The following NCOR2 variants were observed in gnomAD, a reference collection of about 807,000 sequenced individuals.
NCOR2 encodes the protein nuclear receptor corepressor 2.
In NCOR2, 81 loss-of-function variants were observed where a neutral mutation model predicts 262.9. The ratio of observed to expected loss-of-function variants is 0.31; its 90% CI spans 0.26 to 0.37. The LOEUF (loss-of-function observed/expected upper bound fraction) is 0.37. Ranked by LOEUF, NCOR2 falls within the 10% of genes least tolerant of loss-of-function variation. The pLI, the probability that NCOR2 is intolerant of heterozygous loss-of-function variation, is 1.00. For synonymous variants in NCOR2, 1,659 were observed against 1,559.3 expected, an observed-to-expected ratio of 1.06 and a Z score of -1.51; for missense variants, 3,385 against 3,621.4, an observed-to-expected ratio of 0.93 and a Z score of 1.68.
At chr12:124,375,138 G>A (rs1001554073) in intron 18 of NCOR2, among the ~76,000 whole-genome samples, 10 of 152,216 alleles carry the variant, frequency 6.6e-5, no homozygotes. Flanking sequence ...CCAAGGCCAC[G>A]CTGTGGAGGG....
intron 7 of NCOR2, 72 bp downstream of exon 9, chr12:124,449,743 C>T: frequency 6.5e-7 from 1 of 1,549,766 alleles, no homozygotes; most frequent in South Asian, 1.1e-5. Context: ...TCCCACATCC[C>T]ATGCAGGCTG....
At chr12:124,391,016 C>A (rs1476613675) in intron 16 of NCOR2, among the ~76,000 whole-genome samples, 1 of 152,252 alleles carries the variant, frequency 6.6e-6, no homozygotes, top group Non-Finnish European at 1.5e-5. Flanking sequence ...GGGGCAGCGT[C>A]CCACATGCCA....
chr12:124,491,915 T>C (rs1593802899), intron 1 of NCOR2, among the ~76,000 whole-genome samples: 1 of 151,818 alleles, frequency 6.6e-6, no homozygotes, highest in Non-Finnish European at 1.5e-5. Flanking sequence ...ATGCGGCAGG[T>C]AGGAAGCGGG....
intron 41 of NCOR2, among the ~76,000 whole-genome samples, chr12:124,334,028 G>GTGTGTGCGCGCATGTGTGTGTGCGCGCAT (rs1593094229): frequency 3.3e-4 from 50 of 150,052 alleles, no homozygotes; most frequent in South Asian, 6.3e-4. Context: ...GTGCATGTGT[G>GTGTGTGCGCGCATGTGTGTGTGCGCGCAT]GAAAGGCTGC....
chr12:124,494,909 G>C (rs772479639), intron 1 of NCOR2, among the ~76,000 whole-genome samples: 2 of 152,216 alleles, frequency 1.3e-5, no homozygotes, highest in Non-Finnish European at 2.9e-5. Flanking sequence ...CAGAGCCCCA[G>C]CTCAGCCTGG....
exon 43 of NCOR2, chr12:124,332,434 G>A (rs1203341322): frequency 2.5e-6 from 4 of 1,614,238 alleles, no homozygotes; most frequent in East Asian, 4.5e-5. Flanking sequence ...CTGGCGGCTG[G>A]CTGGTGTTGC....
rs1244054404 is a variant in NCOR2 at position 124,384,928 on chromosome 12, CTG to C, written c.2019+815_2019+816del. Among the ~76,000 whole-genome samples, 3 of 152,008 alleles carry C rather than the reference CTG, an allele frequency of 2.0e-5. No individual in the cohort carries two copies. In the East Asian group the frequency reaches 5.8e-4, roughly 29 times the overall value. On this transcript the variant is annotated intron_variant, in intron 17 of 46. Coordinates refer to ENST00000405201, the Ensembl canonical transcript of NCOR2. ...AAGAGCGTGGGTGCTGATCTCATAA[CTG>C]TGGGTGCATATCGCAATTCAGTCGC...
exon 38 of NCOR2, chr12:124,336,869 G>A (rs199623076): frequency 6.2e-7 from 1 of 1,611,150 alleles, no homozygotes; most frequent in South Asian, 1.1e-5. Flanking sequence ...GTGGTGAGGT[G>A]CGAGGTTCTT....
At chr12:124,383,010 C>T (rs2040523446) in intron 17 of NCOR2, among the ~76,000 whole-genome samples, 1 of 152,146 alleles carries the variant, frequency 6.6e-6, no homozygotes, top group Admixed American at 6.5e-5. Context: ...CTGCACCATC[C>T]TTCTGGGATG....
At chr12:124,564,085 G>A (rs891632621) in intron 1 of NCOR2, among the ~76,000 whole-genome samples, 2 of 152,210 alleles carry the variant, frequency 1.3e-5, no homozygotes, top group Non-Finnish European at 1.5e-5. Flanking sequence ...CGTAGAGCAC[G>A]GTTCCTGGCA....
intron 38 of NCOR2, 157 bp from the exon 41 acceptor site, chr12:124,335,789 G>T: frequency 1.3e-6 from 1 of 784,890 alleles, no homozygotes; most frequent in Non-Finnish European, 2.0e-6. Context: ...AAGGCAGAGA[G>T]GGGTGTTGGG....
intron 1 of NCOR2, among the ~76,000 whole-genome samples, chr12:124,490,915 T>C (rs1054482886): frequency 1.3e-5 from 2 of 152,378 alleles, no homozygotes; most frequent in Admixed American, 1.3e-4. Flanking sequence ...CCCCTGCGTC[T>C]GTGCAGTGGG....
At chr12:124,489,735 A>G (rs1254524710) in intron 1 of NCOR2, among the ~76,000 whole-genome samples, 2 of 152,202 alleles carry the variant, frequency 1.3e-5, no homozygotes, top group Non-Finnish European at 2.9e-5. Context: ...GCCACCAGAA[A>G]AAGCCATTCA....
Position 124,335,829 on chromosome 12 carries a change from A to C in NCOR2, c.6116-197T>G, listed in dbSNP as rs141825688. The C allele has an allele frequency of 3.8e-3, 2,264 of 595,072 alleles. 6 individuals carry two copies. Among genetic ancestry groups the C allele is most frequent in the Non-Finnish European group, 5.5e-3 (1,859 of 338,154 alleles). The allele number at this position is 595,072 out of a possible 1,614,324, so 36.9% of individuals were successfully genotyped here. ...GACAGGGAGGCCAAGGGAGAGGTGG[A>C]GAGAGATGCAGAGCCCGGGACAGAG... On this transcript the variant is annotated intron_variant, in intron 38 of 46. Transcript: ENST00000405201.
chr12:124,368,227 C>T (rs1444026181), intron 20 of NCOR2, among the ~76,000 whole-genome samples: 1 of 152,222 alleles, frequency 6.6e-6, no homozygotes, highest in Non-Finnish European at 1.5e-5. Flanking sequence ...GGTCGGGCCA[C>T]CTTCTCCTCA....
chr12:124,403,772 C>A (rs1398079419), intron 13 of NCOR2, among the ~76,000 whole-genome samples: 1 of 152,234 alleles, frequency 6.6e-6, no homozygotes, highest in Non-Finnish European at 1.5e-5. Context: ...GCACACAACG[C>A]TCTCTCCAGC....
chr12:124,450,792 C>G (rs1014443306), intron 6 of NCOR2, among the ~76,000 whole-genome samples: 1 of 152,224 alleles, frequency 6.6e-6, no homozygotes, highest in East Asian at 1.9e-4. Context: ...AGGTTCAAGT[C>G]CCGGTTCTGA....
Position 124,336,743 on chromosome 12 carries a change from G to A in NCOR2, c.6115+10C>T, listed in dbSNP as rs972763769. On this transcript the variant is annotated intron_variant, in intron 38 of 46. Transcript: ENST00000405201. Reference sequence around the variant, plus strand: ...GTCTATGAAGGTGGCCGCTGTCAGGGTGGTCTTACCCAGAGAACGGAGTTC... The same window carrying A: ...GTCTATGAAGGTGGCCGCTGTCAGGATGGTCTTACCCAGAGAACGGAGTTC... The A allele has an allele frequency of 6.2e-7, 1 of 1,612,336 alleles. No individual in the cohort carries two copies. Among genetic ancestry groups the A allele is most frequent in the Non-Finnish European group, 8.5e-7 (1 of 1,179,496 alleles).
chr12:124,332,369 T>C (rs2035272891), exon 43 of NCOR2: 1 of 1,614,100 alleles, frequency 6.2e-7, no homozygotes, highest in South Asian at 1.1e-5. Flanking sequence ...GTTGATCTCT[T>C]GCTTCTTGGA....
Sources: allele counts gnomAD v4.1 joint callset (sites outside exome capture counted in the v4.1 genomes callset), GRCh38; gene constraint gnomAD v4.1.1; transcripts MANE v1.5; gene names NCBI Gene and HGNC (gene_info 2026-07-23, HGNC 2026-07-21).